The following JAKMIP2 variants were observed in gnomAD, a reference collection of about 807,000 sequenced individuals.
JAKMIP2 encodes janus kinase and microtubule interacting protein 2.
A neutral mutation model predicts 115.0 loss-of-function variants in JAKMIP2; 25 were observed. That is an observed-to-expected ratio of 0.22 (90% CI 0.16 to 0.30). The LOEUF is 0.30. Among genes scored for constraint, JAKMIP2 ranks in the 10% least tolerant of loss-of-function variants. The pLI is 1.00. For missense variants in JAKMIP2, 642 were observed against 957.6 expected, an observed-to-expected ratio of 0.67 and a Z score of 4.35; for synonymous variants, 334 against 343.6, an observed-to-expected ratio of 0.97 and a Z score of 0.31.
intron 1 of JAKMIP2, among the ~76,000 whole-genome samples, chr5:147,701,005 A>T (rs1277665262): frequency 6.6e-6 from 1 of 152,152 alleles, no homozygotes; most frequent in Non-Finnish European, 1.5e-5. Flanking sequence ...TAATAAAGAA[A>T]AGTATGGGAG....
intron 19 of JAKMIP2, among the ~76,000 whole-genome samples, chr5:147,615,905 T>C (rs981457701): frequency 6.6e-6 from 1 of 152,142 alleles, no homozygotes; most frequent in African/African-American, 2.4e-5. Flanking sequence ...GGTGGAATAA[T>C]GAAAGGTCCT....
rs201034642 is a variant in JAKMIP2, at chr5:147,661,278, T to A, written c.297A>T (p.Glu99Asp). The change falls in exon 3 of 22, where the codon GAA becomes GAT. Residue 99 changes from glutamate (E) to aspartate (D), a missense_variant. By Grantham distance (45) the Glu-to-Asp change is conservative. This residue lies in a region of JAKMIP2 where 439 missense variants were observed against 570.9 expected (regional missense o/e 0.77). Transcript: ENST00000616793. ...CACGTACCTTCACCGTCCTTGACAT[T>A]TCCTGCTCGTGCTGCTTGATAAGGT... ...RENLIKQHEQ[E>D]MSRTVKVRDG... 35 of 1,613,804 alleles carry A rather than the reference T, an allele frequency of 2.2e-5. No homozygotes were observed. The highest frequency in any genetic ancestry group is 3.0e-5 in the Non-Finnish European group (35 of 1,180,018).
intron 21 of JAKMIP2, chr5:147,594,554 A>G: frequency 2.7e-6 from 1 of 364,396 alleles, no homozygotes; most frequent in South Asian, 2.0e-5. Context: ...GGCTGGTCTT[A>G]AACTCCTGGG....
chr5:147,750,926 G>GA (rs1332596217), intron 1 of JAKMIP2, among the ~76,000 whole-genome samples: 2 of 152,098 alleles, frequency 1.3e-5, no homozygotes, highest in Non-Finnish European at 2.9e-5. Context: ...GAACTGTTGA[G>GA]AAAAAAATTC....
chr5:147,594,454 C>G (rs751942169), intron 21 of JAKMIP2: 5 of 455,108 alleles, frequency 1.1e-5, no homozygotes, highest in South Asian at 7.8e-5. Flanking sequence ...TGCACTTCAG[C>G]CTCCCAAGTA....
chr5:147,749,814 T>C (rs1754484979), intron 1 of JAKMIP2, among the ~76,000 whole-genome samples: 1 of 152,162 alleles, frequency 6.6e-6, no homozygotes, highest in South Asian at 2.1e-4. Flanking sequence ...GAACAATGAA[T>C]GAGAAAAAAC....
At chr5:147,663,578 T>G (rs1759142494) in intron 2 of JAKMIP2, among the ~76,000 whole-genome samples, 1 of 152,344 alleles carries the variant, frequency 6.6e-6, no homozygotes, top group East Asian at 1.9e-4. Flanking sequence ...CTTTTATAGA[T>G]ACATCTATCC....
At chr5:147,781,816 T>G (rs1257361685) in intron 1 of JAKMIP2, among the ~76,000 whole-genome samples, 1 of 152,188 alleles carries the variant, frequency 6.6e-6, no homozygotes, top group Non-Finnish European at 1.5e-5. Context: ...TAAATATGCT[T>G]CATAAATGCA....
chr5:147,591,686 T>C lies in JAKMIP2; in HGVS notation c.*21A>G, dbSNP rs756255405. The C allele has an allele frequency of 6.3e-7, 1 of 1,581,918 alleles. No homozygotes were observed. Among genetic ancestry groups the C allele is most frequent in the South Asian group, 1.2e-5 (1 of 86,752 alleles). The stretch of plus-strand genomic sequence containing the variant: ...GGATCTTATCCATGTTTTCGGTTAC[T>C]CTGCAAAACAGAGGAAAAAAATTAT... On this transcript the variant is annotated splice_region_variant and 3_prime_UTR_variant, in exon 22 of 22. Transcript: ENST00000616793.
At chr5:147,665,111 C>T (rs76057893) in intron 2 of JAKMIP2, among the ~76,000 whole-genome samples, 11,501 of 152,228 alleles carry the variant, frequency 0.076, 633 homozygotes, top group East Asian at 0.22. Context: ...TGGGCATCTT[C>T]TAGATTGGGG....
At chr5:147,721,744 C>G (rs1396178790) in intron 1 of JAKMIP2, among the ~76,000 whole-genome samples, 1 of 152,112 alleles carries the variant, frequency 6.6e-6, no homozygotes, top group African/African-American at 2.4e-5. Context: ...CCTGCGCCTG[C>G]TGTCTGGCAC....
At chr5:147,647,248 C>A (rs1758177753) in intron 5 of JAKMIP2, among the ~76,000 whole-genome samples, 1 of 151,826 alleles carries the variant, frequency 6.6e-6, no homozygotes. Context: ...TTCTAAGTGA[C>A]CCATATATCA....
chr5:147,631,259 C>G (rs1221313438), intron 14 of JAKMIP2, among the ~76,000 whole-genome samples, 154 bp downstream of exon 14: 2 of 152,130 alleles, frequency 1.3e-5, no homozygotes, highest in Non-Finnish European at 2.9e-5. Flanking sequence ...TGTTAATTTT[C>G]TAGTAGAAGT....
At chr5:147,659,517 G>A (rs565879590) in intron 3 of JAKMIP2, among the ~76,000 whole-genome samples, 1 of 152,256 alleles carries the variant, frequency 6.6e-6, no homozygotes, top group South Asian at 2.1e-4. Flanking sequence ...TTATTAAAAG[G>A]GATTTCATGC....
chr5:147,614,375 ATG>A (rs539589225), intron 19 of JAKMIP2, among the ~76,000 whole-genome samples: 266 of 152,332 alleles, frequency 1.7e-3, no homozygotes, highest in Non-Finnish European at 3.0e-3. Context: ...TGTCAAATAA[ATG>A]TGTTATGCTA....
chr5:147,769,126 C>T (rs549035232), intron 1 of JAKMIP2, among the ~76,000 whole-genome samples: 46 of 152,140 alleles, frequency 3.0e-4, no homozygotes, highest in Non-Finnish European at 5.9e-4. Context: ...ATCAGAACTC[C>T]GCCTGGCACA....
intron 21 of JAKMIP2, among the ~76,000 whole-genome samples, chr5:147,594,166 T>C (rs1049102898): frequency 4.6e-5 from 7 of 152,174 alleles, no homozygotes; most frequent in Non-Finnish European, 7.3e-5. Flanking sequence ...ATTATTTCTA[T>C]AGTGAAGCCA....
In JAKMIP2 at chr5:147,675,091, C is replaced by T. The variant is rs569568215; in HGVS notation, c.-148-3137G>A. ...ATGAGTTCTACAGAATTGCTTGTAGCAAAAATGTGCAAAGGGACAGATACA... is the reference window on the plus strand; with the variant it reads ...ATGAGTTCTACAGAATTGCTTGTAGTAAAAATGTGCAAAGGGACAGATACA... On this transcript the variant is annotated intron_variant, in intron 1 of 21. Transcript: ENST00000616793. Among the ~76,000 whole-genome samples, 8 of 152,248 alleles carry T rather than the reference C, an allele frequency of 5.3e-5. No individual in the cohort carries two copies. In the South Asian group the frequency reaches 1.2e-3, roughly 24 times the overall value.
chr5:147,650,811 T>G (rs1168779113), intron 3 of JAKMIP2, among the ~76,000 whole-genome samples: 15 of 152,156 alleles, frequency 9.9e-5, no homozygotes, highest in Admixed American at 2.6e-4. Context: ...TTGTTTGAAA[T>G]AGTCTGGGTT....
Sources: allele counts gnomAD v4.1 joint callset (sites outside exome capture counted in the v4.1 genomes callset), GRCh38; gene constraint gnomAD v4.1.1; regional missense constraint gnomAD v4.1.1; transcripts MANE v1.5; gene names NCBI Gene and HGNC (gene_info 2026-07-23, HGNC 2026-07-21).